ATP8A2: variants seen among roughly 807,000 people sequenced by gnomAD.
ATP8A2 encodes the protein phospholipid-transporting ATPase IB.
A neutral mutation model predicts 165.6 loss-of-function variants in ATP8A2; 100 were observed. The ratio of observed to expected loss-of-function variants is 0.60; its 90% CI spans 0.51 to 0.71. The LOEUF (loss-of-function observed/expected upper bound fraction) is 0.71, where lower values mean the gene tolerates loss of function less well. Among genes scored for constraint, ATP8A2 ranks in the 30% least tolerant of loss-of-function variants. The pLI is 0.00. For synonymous variants in ATP8A2, 543 were observed against 548.8 expected (o/e 0.99, Z 0.15); for missense variants, 1,227 against 1,479.5 (o/e 0.83, Z 2.80).
At chr13:25,499,469 T>C (rs2036783196) in intron 2 of ATP8A2, among the ~76,000 whole-genome samples, 1 of 152,196 alleles carries the variant, frequency 6.6e-6, no homozygotes. Context: ...TTGGTTTAGC[T>C]ATTGCCTAGC....
intron 25 of ATP8A2, among the ~76,000 whole-genome samples, chr13:25,759,517 A>C (rs1229099429): frequency 6.6e-6 from 1 of 152,122 alleles, no homozygotes; most frequent in Non-Finnish European, 1.5e-5. Context: ...AGTGGGGAAC[A>C]ATACATGTAT....
intron 35 of ATP8A2, among the ~76,000 whole-genome samples, chr13:25,982,162 A>C (rs1419824295): frequency 6.6e-6 from 1 of 152,120 alleles, no homozygotes; most frequent in African/African-American, 2.4e-5. Context: ...GCTCTGTCTC[A>C]CCTATTCAGA....
intron 8 of ATP8A2, among the ~76,000 whole-genome samples, chr13:25,541,050 A>G (rs1464455679): frequency 4.0e-5 from 6 of 151,860 alleles, no homozygotes; most frequent in South Asian, 2.1e-4. Flanking sequence ...TTTTTAGTAG[A>G]GATGGGGTTT....
At position 26,023,808 on chromosome 13, in the gene ATP8A2, C is replaced by T. The variant is rs1488142917; in HGVS notation, c.*3823C>T. On this transcript the variant is annotated 3_prime_UTR_variant, in exon 37 of 37. Coordinates refer to ENST00000381655, the MANE Select transcript of ATP8A2 (RefSeq NM_016529.6). ...TTGAGTTACTGCCCAGGGTCATCGT[C>T]TCAAAGTAATTCAAGGAGTGATTTA... 1.3e-5 allele frequency: 2 copies of T among 152,122 alleles called. No individual in the cohort carries two copies. The highest frequency in any genetic ancestry group is 2.9e-5 in the Non-Finnish European group (2 of 68,022). The allele number at this position is 152,122 out of a possible 1,614,324, so 9.4% of individuals were successfully genotyped here.
chr13:25,953,550 AGGG>A lies in ATP8A2; in HGVS notation c.3184-8024_3184-8022del, dbSNP rs1188041564. ...AAAAAAAAAAAAAAAAAAAAAAGCAAGGGAAATAGGCAAGACGGCCAAATAGGA... is the reference window on the plus strand; with the variant it reads ...AAAAAAAAAAAAAAAAAAAAAAGCAAAAATAGGCAAGACGGCCAAATAGGA... On this transcript the variant is annotated intron_variant, in intron 33 of 36. Transcript: ENST00000381655. This position sits in a 1 kb window ranked among gnomAD's most constrained non-coding sequence, Gnocchi z 6.7. Among the ~76,000 whole-genome samples, 3,740 of 145,392 alleles carry A rather than the reference AGGG, an allele frequency of 0.026. 90 individuals are homozygous for A. Among genetic ancestry groups the A allele is most frequent in the African/African-American group, 0.047 (1,845 of 39,542 alleles).
Position 25,590,583 on chromosome 13 carries a change from G to A in ATP8A2, c.2211+884G>A, listed in dbSNP as rs1593598376. Among the ~76,000 whole-genome samples the A allele has an allele frequency of 2.0e-5, 3 of 152,262 alleles. 1 individual carries two copies. Among genetic ancestry groups the A allele is most frequent in the African/African-American group, 7.2e-5 (3 of 41,550 alleles). On this transcript the variant is annotated intron_variant, in intron 24 of 36. Transcript: ENST00000381655. ...GAGGGTCACCAGCAACCTGTGAAGT[G>A]GTTTGATATGAAAATATGAGCTGAA... is the stretch of plus-strand genomic sequence containing the variant.
intron 25 of ATP8A2, among the ~76,000 whole-genome samples, chr13:25,724,478 GCTCAAGGCA>G (rs996286101): frequency 6.6e-6 from 1 of 152,202 alleles, no homozygotes; most frequent in African/African-American, 2.4e-5. Flanking sequence ...AAAATTGATA[GCTCAAGGCA>G]CTGTGAGTTA....
At chr13:25,499,789 C>T (rs1402535081) in intron 2 of ATP8A2, among the ~76,000 whole-genome samples, 1 of 137,994 alleles carries the variant, frequency 7.2e-6, no homozygotes, top group Admixed American at 7.2e-5. Flanking sequence ...AACTAGATAA[C>T]TTCAGATTAT....
chr13:25,801,983 A>T (rs1167329849), intron 27 of ATP8A2, among the ~76,000 whole-genome samples: 1 of 152,136 alleles, frequency 6.6e-6, no homozygotes, highest in Admixed American at 6.6e-5. Flanking sequence ...ACATGTAGGT[A>T]TCTGCCCCCA....
At chr13:25,901,971 A>T (rs183157611) in intron 33 of ATP8A2, among the ~76,000 whole-genome samples, 1 of 152,370 alleles carries the variant, frequency 6.6e-6, no homozygotes, top group East Asian at 1.9e-4. Context: ...AAATCTGAAA[A>T]TGCTTAAGTA....
At chr13:25,896,736 A>G (rs1328117971) in intron 33 of ATP8A2, among the ~76,000 whole-genome samples, 1 of 152,146 alleles carries the variant, frequency 6.6e-6, no homozygotes, top group Non-Finnish European at 1.5e-5. Flanking sequence ...GTGCATATAT[A>G]TTTAGGATAG....
intron 28 of ATP8A2, among the ~76,000 whole-genome samples, chr13:25,830,025 T>C (rs967468727): frequency 6.6e-6 from 1 of 151,432 alleles, no homozygotes; most frequent in Admixed American, 6.6e-5. Flanking sequence ...TTTTTTTTTT[T>C]TGAGACTGGG....
At chr13:25,399,565 ATTT>A (rs61674518) in intron 1 of ATP8A2, among the ~76,000 whole-genome samples, 2 of 77,038 alleles carry the variant, frequency 2.6e-5, no homozygotes, top group African/African-American at 9.3e-5. Context: ...CGCCCGGCTA[ATTT>A]TTTTTTTGTA....
intron 33 of ATP8A2, among the ~76,000 whole-genome samples, chr13:25,907,643 GACAA>G (rs1040490893): frequency 6.4e-4 from 97 of 152,260 alleles, no homozygotes; most frequent in African/African-American, 2.3e-3. Flanking sequence ...ATTTTCTGAA[GACAA>G]ACAAACACTC....
chr13:25,422,211 A>T (rs1035666423), intron 1 of ATP8A2, among the ~76,000 whole-genome samples: 5 of 152,170 alleles, frequency 3.3e-5, no homozygotes, highest in African/African-American at 1.2e-4. Flanking sequence ...TTTCTTAAGG[A>T]CTTAGTAAAT....
chr13:25,481,023 G>A (rs964520809), intron 2 of ATP8A2, among the ~76,000 whole-genome samples: 2 of 152,166 alleles, frequency 1.3e-5, no homozygotes, highest in African/African-American at 2.4e-5. Flanking sequence ...AGGCGTGGCA[G>A]CGCGCGCCTG....
intron 33 of ATP8A2, among the ~76,000 whole-genome samples, chr13:25,949,217 G>A (rs1955284918): frequency 6.6e-6 from 1 of 152,242 alleles, no homozygotes. Context: ...GCAGGGGCAG[G>A]AGAACAGCTT....
intron 33 of ATP8A2, among the ~76,000 whole-genome samples, chr13:25,871,710 C>T (rs988693916): frequency 6.6e-6 from 1 of 152,106 alleles, no homozygotes; most frequent in South Asian, 2.1e-4. Flanking sequence ...TGTAACATAT[C>T]GAAGCATCCA....
At chr13:25,751,279 G>A (rs987346063) in intron 25 of ATP8A2, among the ~76,000 whole-genome samples, 2 of 152,136 alleles carry the variant, frequency 1.3e-5, no homozygotes. Context: ...CAAAGAAATG[G>A]CAACATCTTG....
Sources: gnomAD v4.1 joint callset for allele counts (sites outside exome capture counted in the v4.1 genomes callset) on GRCh38, gnomAD v4.1.1 for gene constraint, Gnocchi (gnomAD v3.1) non-coding constraint, MANE v1.5 for transcripts, NCBI Gene and HGNC (gene_info 2026-07-23, HGNC 2026-07-21) for gene names.